The following UNC79 variants were observed in gnomAD, a reference collection of about 807,000 sequenced individuals.
UNC79 encodes the protein protein unc-79 homolog.
UNC79 carries 37 observed loss-of-function variants against 283.1 expected under a neutral mutation model. The ratio of observed to expected loss-of-function variants is 0.13; its 90% confidence interval spans 0.10 to 0.17. The LOEUF (loss-of-function observed/expected upper bound fraction) is 0.17. Ranked by LOEUF, UNC79 falls within the 10% of genes least tolerant of loss-of-function variation. The pLI, the probability that UNC79 is intolerant of heterozygous loss-of-function variation, is 1.00. For synonymous variants in UNC79, 1,107 were observed against 1,200.2 expected (o/e 0.92, Z 1.61); for missense variants, 2,272 against 3,211.1 (o/e 0.71, Z 7.07).
chr14:93,448,542 G>A (rs1257635991), intron 1 of UNC79, among the ~76,000 whole-genome samples: 1 of 152,150 alleles, frequency 6.6e-6, no homozygotes, highest in Non-Finnish European at 1.5e-5. Context: ...GTGGGAATGT[G>A]TTGTATTTTC....
intron 41 of UNC79, among the ~76,000 whole-genome samples, chr14:93,675,388 A>C (rs191770392): frequency 2.1e-4 from 32 of 152,284 alleles, no homozygotes; most frequent in African/African-American, 7.7e-4. Context: ...TGCTGGGGAA[A>C]CAGAAGAATC....
intron 7 of UNC79, among the ~76,000 whole-genome samples, chr14:93,500,482 G>T (rs751080267): frequency 6.6e-6 from 1 of 152,012 alleles, no homozygotes; most frequent in Non-Finnish European, 1.5e-5. Context: ...AAATCATTCC[G>T]GTCTATAGAT....
exon 4 of UNC79, chr14:93,477,670 A>G (rs1190183048): frequency 1.2e-6 from 2 of 1,613,450 alleles, no homozygotes; most frequent in African/African-American, 1.3e-5. Context: ...CCTTTCCTCC[A>G]TTTCTGCACA....
intron 47 of UNC79, among the ~76,000 whole-genome samples, chr14:93,695,890 C>CAA (rs535235954): frequency 0.036 from 1,428 of 39,438 alleles, 133 homozygotes; most frequent in African/African-American, 0.11. Flanking sequence ...GACTTTGTCT[C>CAA]AAAAAAAAAA....
intron 1 of UNC79, among the ~76,000 whole-genome samples, chr14:93,370,470 G>A (rs187790464): frequency 1.3e-5 from 2 of 152,262 alleles, no homozygotes; most frequent in East Asian, 1.9e-4. Flanking sequence ...AGATCTCTGC[G>A]CTTAAAAATA....
rs370302406 is a variant in UNC79, at chr14:93,653,761, G to A, written c.6103G>A (p.Ala2035Thr). The change falls in exon 36 of 49, where the codon GCG becomes ACG. Residue 2035 changes from alanine to threonine, a missense_variant. By Grantham distance (58) the Ala-to-Thr change is moderately conservative (BLOSUM62 0). Coordinates refer to ENST00000555664, the Ensembl canonical transcript of UNC79. ...CTCCAGCATGATGGTTCCCGGCAAT[G>A]CGGCGGGGGTGGCCAAGCAGTTCCT... is the stretch of plus-strand genomic sequence containing the variant. The A allele has an allele frequency of 7.5e-6, 12 of 1,608,352 alleles. No homozygotes were observed. The African/African-American group carries it at 1.3e-4, about 18-fold the overall frequency.
At chr14:93,513,071 CTTTA>C (rs1246139410) in intron 7 of UNC79, among the ~76,000 whole-genome samples, 1 of 152,048 alleles carries the variant, frequency 6.6e-6, no homozygotes, top group Non-Finnish European at 1.5e-5. Flanking sequence ...CAAGGCTTAG[CTTTA>C]TTTATTTTTA....
chr14:93,372,949 G>A (rs888514483), intron 1 of UNC79, among the ~76,000 whole-genome samples: 25 of 152,196 alleles, frequency 1.6e-4, no homozygotes, highest in African/African-American at 5.8e-4. Flanking sequence ...CAAAAGGATA[G>A]AAATCATACA....
intron 1 of UNC79, among the ~76,000 whole-genome samples, chr14:93,380,302 A>G (rs2054641063): frequency 6.6e-6 from 1 of 152,220 alleles, no homozygotes; most frequent in Admixed American, 6.5e-5. Flanking sequence ...GTAAAAAATG[A>G]AGATCATATA....
chr14:93,494,285 A>G (rs2058912062), intron 5 of UNC79, among the ~76,000 whole-genome samples: 2 of 151,868 alleles, frequency 1.3e-5, no homozygotes, highest in African/African-American at 4.8e-5. Context: ...TGAAGGACCC[A>G]CCCCCATGAT....
At chr14:93,642,201 G>C (rs1596199752) in intron 33 of UNC79, among the ~76,000 whole-genome samples, 1 of 152,008 alleles carries the variant, frequency 6.6e-6, no homozygotes. Context: ...GAGATGGGTG[G>C]ATCACGAGGT....
intron 13 of UNC79, 143 bp downstream of exon 13, chr14:93,540,974 TG>T: frequency 1.6e-5 from 16 of 1,010,868 alleles, no homozygotes; most frequent in Non-Finnish European, 2.1e-5. Flanking sequence ...TGGCAATAGC[TG>T]TCAATCCTGA....
At chr14:93,454,329 G>A (rs917210885) in intron 1 of UNC79, among the ~76,000 whole-genome samples, 1 of 152,166 alleles carries the variant, frequency 6.6e-6, no homozygotes, top group Non-Finnish European at 1.5e-5. Context: ...ACAGGCATGA[G>A]CCATCACATC....
intron 45 of UNC79, chr14:93,691,330 C>A (rs556458248): frequency 8.7e-5 from 18 of 206,206 alleles, no homozygotes; most frequent in Admixed American, 2.6e-4. Context: ...AACTTCTGGG[C>A]GTGTATTCAC....
chr14:93,350,843 C>G (rs922065111), intron 1 of UNC79, among the ~76,000 whole-genome samples: 3 of 149,892 alleles, frequency 2.0e-5, no homozygotes, highest in Non-Finnish European at 4.4e-5. Context: ...GCCTCTAGTT[C>G]CAGCTGTTGT....
At chr14:93,385,274 A>C (rs1431631605) in intron 1 of UNC79, among the ~76,000 whole-genome samples, 1 of 152,170 alleles carries the variant, frequency 6.6e-6, no homozygotes, top group Non-Finnish European at 1.5e-5. Flanking sequence ...CAGACATTTT[A>C]ACAATATTGA....
intron 22 of UNC79, 113 bp from the exon 23 acceptor site, chr14:93,593,567 A>G: frequency 2.3e-6 from 3 of 1,290,274 alleles, no homozygotes; most frequent in Non-Finnish European, 3.2e-6. Context: ...TTTCACCAAA[A>G]GCACCCCTAC....
At chr14:93,413,991 G>C (rs1312531864) in intron 1 of UNC79, among the ~76,000 whole-genome samples, 1 of 151,896 alleles carries the variant, frequency 6.6e-6, no homozygotes, top group East Asian at 1.9e-4. Context: ...TCTTCACTCT[G>C]ATGGTAGTTT....
intron 42 of UNC79, among the ~76,000 whole-genome samples, chr14:93,686,112 G>A (rs1045050500): frequency 6.6e-6 from 1 of 152,152 alleles, no homozygotes; most frequent in Admixed American, 6.5e-5. Context: ...TTTTTTGACA[G>A]AAAATAGATT....
Sources: allele counts gnomAD v4.1 joint callset (sites outside exome capture counted in the v4.1 genomes callset), GRCh38; gene constraint gnomAD v4.1.1; transcripts MANE v1.5; gene names NCBI Gene and HGNC (gene_info 2026-07-23, HGNC 2026-07-21).